Variants in RAD51C observed in about 807,000 individuals in gnomAD.
RAD51C encodes the protein RAD51 paralog C, also known as DNA repair protein RAD51 homolog 3.
RAD51C carries 42 observed loss-of-function variants against 45.0 expected under a neutral mutation model. The observed-to-expected ratio is 0.93, with a 90% confidence interval of 0.73 to 1.21. The LOEUF is 1.21. Ranked by LOEUF, RAD51C falls within the 50% of genes most tolerant of loss-of-function variation. The pLI, the probability that RAD51C is intolerant of heterozygous loss-of-function variation, is 0.00. For missense variants in RAD51C, 474 were observed against 452.2 expected, an observed-to-expected ratio of 1.05 and a Z score of -0.44; for synonymous variants, 172 against 159.8, an observed-to-expected ratio of 1.08 and a Z score of -0.58.
At chr17:58,718,226 G>C (rs2048805002) in intron 5 of RAD51C, among the ~76,000 whole-genome samples, 1 of 152,102 alleles carries the variant, frequency 6.6e-6, no homozygotes, top group Non-Finnish European at 1.5e-5. Flanking sequence ...TCGAACTCCT[G>C]ACCTCAGGTG....
At chr17:58,699,173 A>AT (rs1364331910) in intron 3 of RAD51C, among the ~76,000 whole-genome samples, 2 of 151,408 alleles carry the variant, frequency 1.3e-5, no homozygotes, top group Non-Finnish European at 2.9e-5. Flanking sequence ...TGCCCGGCTA[A>AT]TTTTTTGTTT....
At chr17:58,710,628 C>T (rs2048528709) in intron 5 of RAD51C, among the ~76,000 whole-genome samples, 1 of 151,954 alleles carries the variant, frequency 6.6e-6, no homozygotes, top group African/African-American at 2.4e-5. Context: ...GTTTTCTTCT[C>T]CTTTGAGTCT....
At position 58,711,717 on chromosome 17, in the gene RAD51C, C is replaced by T. The variant is rs28363313; in HGVS notation, c.837+1727C>T. Among the ~76,000 whole-genome samples, 1,427 of 152,062 alleles carry T rather than the reference C, an allele frequency of 9.4e-3. 17 individuals carry two copies. Among genetic ancestry groups the T allele is most frequent in the African/African-American group, 0.033 (1,357 of 41,470 alleles). On this transcript the variant is annotated intron_variant, in intron 5 of 8. Transcript: ENST00000337432. ...AGGTTGGGCTCAAGCGATCATCTGC[C>T]GGCCTCAGCCTCCTAAAGTACTAGG...
intron 5 of RAD51C, among the ~76,000 whole-genome samples, chr17:58,718,781 T>C (rs1284145929): frequency 2.0e-5 from 3 of 152,186 alleles, no homozygotes; most frequent in Admixed American, 2.0e-4. Flanking sequence ...TTCTCATAAT[T>C]TGTTGCCTCA....
At chr17:58,696,146 T>C (rs2047997132) in intron 2 of RAD51C, among the ~76,000 whole-genome samples, 1 of 151,534 alleles carries the variant, frequency 6.6e-6, no homozygotes, top group Non-Finnish European at 1.5e-5. Flanking sequence ...AAAATATTCT[T>C]AATTGGCTGG....
chr17:58,716,648 G>A (rs1459675178), intron 5 of RAD51C, among the ~76,000 whole-genome samples: 6 of 150,252 alleles, frequency 4.0e-5, no homozygotes, highest in Non-Finnish European at 7.4e-5. Context: ...ATTTTTAGTC[G>A]AGACAGGGTT....
intron 4 of RAD51C, 135 bp downstream of exon 4, chr17:58,703,464 A>C (rs553830720): frequency 1.2e-6 from 1 of 864,136 alleles, no homozygotes; most frequent in African/African-American, 1.7e-5. Context: ...TCCTTGACCT[A>C]CAATTTATTT....
intron 2 of RAD51C, among the ~76,000 whole-genome samples, chr17:58,696,364 C>T (rs1158331388): frequency 2.0e-5 from 3 of 151,700 alleles, no homozygotes; most frequent in Non-Finnish European, 2.9e-5. Flanking sequence ...ACCTGGGAGG[C>T]GGAGCTTGCA....
Position 58,734,588 on chromosome 17 carries a change from GTTTTTT to G in RAD51C, c.*384_*389del, listed in dbSNP as rs34517797. ...AAGAAACATATCATATTCTTATTGT[GTTTTTT>G]TTTTTTTTTTTTTTTTTGGAGATGG... On this transcript the variant is annotated 3_prime_UTR_variant, in exon 9 of 9. Transcript: ENST00000337432. 6.9e-4 allele frequency: 71 copies of G among 102,470 alleles called. No homozygotes were observed. The highest frequency in any genetic ancestry group is 5.8e-3 in the Admixed American group (48 of 8,282). 6.3% of individuals were successfully genotyped at this position (102,470 alleles called of 1,614,324 possible).
At chr17:58,720,573 A>G (rs1374971561) in intron 5 of RAD51C, among the ~76,000 whole-genome samples, 173 bp from the exon 6 acceptor site, 1 of 151,986 alleles carries the variant, frequency 6.6e-6, no homozygotes, top group African/African-American at 2.4e-5. Context: ...CCCAGGTTCA[A>G]ATGATTCTCC....
At position 58,722,057 on chromosome 17, in the gene RAD51C, G is replaced by GC. The variant is rs528772057; in HGVS notation, c.904+1248dup. 2.2e-4 allele frequency among the ~76,000 whole-genome samples: 34 copies of GC among 152,202 alleles called. 1 individual carries two copies. The East Asian group carries it at 6.6e-3, about 29-fold the overall frequency. On this transcript the variant is annotated intron_variant, in intron 6 of 8. Coordinates refer to ENST00000337432, the MANE Select transcript of RAD51C (RefSeq NM_058216.3). ...CAAACTCAGCCTTTCTCAAACTCAT[G>GC]CCCTCAGCACACTATGATAAATCAG...
intron 7 of RAD51C, among the ~76,000 whole-genome samples, chr17:58,730,171 T>TC (rs2049357485): frequency 6.7e-6 from 1 of 149,250 alleles, no homozygotes; most frequent in Admixed American, 6.7e-5. Flanking sequence ...GTTCTTTTTT[T>TC]TTTTTTTTTT....
chr17:58,697,212 A>C (rs1284132407), intron 3 of RAD51C, among the ~76,000 whole-genome samples: 1 of 152,196 alleles, frequency 6.6e-6, no homozygotes, highest in Non-Finnish European at 1.5e-5. Context: ...GGACTTCCAT[A>C]TTGGTTTTCC....
chr17:58,724,302 TC>T (rs1331550762), intron 7 of RAD51C, among the ~76,000 whole-genome samples: 2 of 152,196 alleles, frequency 1.3e-5, no homozygotes, highest in Non-Finnish European at 2.9e-5. Flanking sequence ...TAGGAAATTC[TC>T]TGGAATATTT....
intron 8 of RAD51C, 136 bp from the exon 9 acceptor site, chr17:58,733,982 C>T (rs1448198091): frequency 3.0e-6 from 4 of 1,347,234 alleles, no homozygotes; most frequent in Non-Finnish European, 4.0e-6. Context: ...TCCCAAAGTG[C>T]TGGGATTACA....
rs28363317 is a variant in RAD51C, at chr17:58,720,767, A to G, written c.859A>G (p.Thr287Ala). Reference protein sequence around the residue: ...RLAVILTNQMTTKIDRNQALL... With the variant: ...RLAVILTNQMATKIDRNQALL... ...GTAGGTAATTTTAACCAATCAGATG[A>G]CAACAAAGATTGATAGAAATCAGGC... is the stretch of plus-strand genomic sequence containing the variant. Residue 287 changes from threonine to alanine, a missense_variant, in exon 6 of 9, where the codon ACA becomes GCA. Transcript: ENST00000337432. The G allele has an allele frequency of 8.8e-3, 14,196 of 1,612,322 alleles. 80 individuals are homozygous for G. Among genetic ancestry groups the G allele is most frequent in the Non-Finnish European group, 0.011 (13,030 of 1,178,750 alleles).
intron 5 of RAD51C, among the ~76,000 whole-genome samples, chr17:58,718,146 G>A (rs568504764): frequency 4.6e-5 from 7 of 152,086 alleles, no homozygotes; most frequent in South Asian, 2.1e-4. Context: ...ACAGGTGCCC[G>A]CCCCAACGTT....
At chr17:58,696,601 T>G in intron 2 of RAD51C, 92 bp from the exon 3 acceptor site, 1 of 1,490,860 alleles carries the variant, frequency 6.7e-7, no homozygotes, top group Non-Finnish European at 9.3e-7. Flanking sequence ...TATAAAACTT[T>G]AGTGATACCT....
At chr17:58,721,055 C>T (rs1032674430) in intron 6 of RAD51C, among the ~76,000 whole-genome samples, 8 of 152,054 alleles carry the variant, frequency 5.3e-5, no homozygotes, top group Admixed American at 6.6e-5. Flanking sequence ...GAGGCCGAGG[C>T]GGATCACTTG....
Sources: gnomAD v4.1 joint callset for allele counts (sites outside exome capture counted in the v4.1 genomes callset) on GRCh38, gnomAD v4.1.1 for gene constraint, MANE v1.5 for transcripts, NCBI Gene and HGNC (gene_info 2026-07-23, HGNC 2026-07-21) for gene names.